Variants in HCN1 observed in about 807,000 individuals in gnomAD.
HCN1 encodes the protein potassium/sodium hyperpolarization-activated cyclic nucleotide-gated channel 1.
Under a neutral mutation model 78.9 loss-of-function variants are expected in HCN1, and 13 were observed. The ratio of observed to expected loss-of-function variants is 0.16; its 90% CI spans 0.11 to 0.26. The LOEUF (loss-of-function observed/expected upper bound fraction) is 0.26, where lower values mean the gene tolerates loss of function less well. Among genes scored for constraint, HCN1 ranks in the 10% least tolerant of loss-of-function variants. HCN1 has a pLI of 1.00. For synonymous variants in HCN1, 552 were observed against 455.5 expected, an observed-to-expected ratio of 1.21 and a Z score of -2.70; for missense variants, 810 against 1,154.3, an observed-to-expected ratio of 0.70 and a Z score of 4.32.
intron 3 of HCN1, among the ~76,000 whole-genome samples, chr5:45,423,893 A>C (rs112457064): frequency 2.6e-3 from 400 of 152,266 alleles, no homozygotes; most frequent in Non-Finnish European, 4.6e-3. Context: ...GAGAGAAAGA[A>C]CTATGCTTAT....
At chr5:45,372,493 A>T (rs1747422327) in intron 4 of HCN1, among the ~76,000 whole-genome samples, 1 of 128,184 alleles carries the variant, frequency 7.8e-6, no homozygotes, top group Non-Finnish European at 1.6e-5. Context: ...ACATTTACAT[A>T]TAAAAATATA....
chr5:45,599,989 G>C (rs977215587), intron 2 of HCN1, among the ~76,000 whole-genome samples: 2 of 152,064 alleles, frequency 1.3e-5, no homozygotes, highest in African/African-American at 4.8e-5. Context: ...GCCTAGGCCT[G>C]TTCATAACTC....
intron 2 of HCN1, among the ~76,000 whole-genome samples, chr5:45,586,119 G>A (rs1028317758): frequency 2.5e-4 from 38 of 152,294 alleles, no homozygotes; most frequent in African/African-American, 8.7e-4. Flanking sequence ...TCTGCCCCCA[G>A]AGGTGGAGTC....
rs967446712 is a variant in HCN1, at chr5:45,316,488, C to T, written c.1378-12649G>A. Among the ~76,000 whole-genome samples, 6 of 152,124 alleles carry T rather than the reference C, an allele frequency of 3.9e-5. 1 individual carries two copies. Among genetic ancestry groups the T allele is most frequent in the Admixed American group, 2.0e-4 (3 of 15,258 alleles). ...AATGGGCAAAAACTGGAAGCATTCC[C>T]TTTGAAAACTGGCACAAGACAGGGA... On this transcript the variant is annotated intron_variant, in intron 5 of 7. Transcript: ENST00000303230.
intron 2 of HCN1, among the ~76,000 whole-genome samples, chr5:45,540,419 C>A (rs1174818101): frequency 6.6e-6 from 1 of 151,824 alleles, no homozygotes; most frequent in Non-Finnish European, 1.5e-5. Flanking sequence ...CCTCAACCTC[C>A]CCAGGCTCAG....
chr5:45,483,419 ATCT>A (rs2111680416), intron 2 of HCN1, among the ~76,000 whole-genome samples: 1 of 152,182 alleles, frequency 6.6e-6, no homozygotes, highest in South Asian at 2.1e-4. Flanking sequence ...CGACTTGTAC[ATCT>A]TCTTTTGAGA....
Position 45,497,413 on chromosome 5 carries a change from T to C in HCN1, c.850-35406A>G, listed in dbSNP as rs895608137. 3.3e-5 allele frequency among the ~76,000 whole-genome samples: 5 copies of C among 152,242 alleles called. No homozygotes were observed. The East Asian group carries it at 9.6e-4, about 29-fold the overall frequency. ...GTATTGGGCGCATATATATTTAGCATAGTTAGCTCTTCTTGTTGAATTGAT... is the reference window on the plus strand; with the variant it reads ...GTATTGGGCGCATATATATTTAGCACAGTTAGCTCTTCTTGTTGAATTGAT... On this transcript the variant is annotated intron_variant, in intron 2 of 7. Transcript: ENST00000303230.
At chr5:45,342,282 G>T (rs1172821055) in intron 5 of HCN1, among the ~76,000 whole-genome samples, 3 of 147,812 alleles carry the variant, frequency 2.0e-5, no homozygotes, top group Non-Finnish European at 4.5e-5. Flanking sequence ...CACTGAGGCA[G>T]CAGTGCAGTG....
intron 2 of HCN1, chr5:45,480,122 T>C (rs1369046058): frequency 6.6e-6 from 1 of 152,624 alleles, no homozygotes; most frequent in Non-Finnish European, 1.5e-5. Flanking sequence ...TACTCAAATA[T>C]ACCTACCCAT....
At position 45,670,568 on chromosome 5, in the gene HCN1, A is replaced by G. The variant is rs79763365; in HGVS notation, c.426-24960T>C. Among the ~76,000 whole-genome samples, 26 of 151,724 alleles carry G rather than the reference A, an allele frequency of 1.7e-4. No individual in the cohort carries two copies. The East Asian group carries it at 4.9e-3, about 28-fold the overall frequency. On this transcript the variant is annotated intron_variant, in intron 1 of 7. Coordinates refer to ENST00000303230, the MANE Select transcript of HCN1 (RefSeq NM_021072.4). ...GGACCATGCATTTTTTAACAGGAAT[A>G]ATTTCTTAAATTGTCATGCCCCTAC...
intron 3 of HCN1, among the ~76,000 whole-genome samples, chr5:45,445,182 G>A (rs1336808801): frequency 1.3e-5 from 2 of 152,130 alleles, no homozygotes; most frequent in African/African-American, 2.4e-5. Context: ...ACTCCCACCC[G>A]AATACTGCAC....
At chr5:45,636,755 C>T (rs1209121446) in intron 2 of HCN1, among the ~76,000 whole-genome samples, 1 of 151,892 alleles carries the variant, frequency 6.6e-6, no homozygotes, top group Non-Finnish European at 1.5e-5. Context: ...TGGGAAGATC[C>T]CTTGAGCTTA....
chr5:45,620,654 T>C (rs1745041702), intron 2 of HCN1, among the ~76,000 whole-genome samples: 2 of 151,126 alleles, frequency 1.3e-5, no homozygotes, highest in South Asian at 4.2e-4. Flanking sequence ...GGAACATAAA[T>C]ACAAAAAATG....
chr5:45,534,198 C>T (rs548135264), intron 2 of HCN1, among the ~76,000 whole-genome samples: 3 of 151,320 alleles, frequency 2.0e-5, no homozygotes, highest in African/African-American at 7.3e-5. Context: ...GAGTTTGAGA[C>T]CAGCCTAGCC....
chr5:45,666,131 A>T (rs577375447), intron 1 of HCN1, among the ~76,000 whole-genome samples: 1 of 152,206 alleles, frequency 6.6e-6, no homozygotes, highest in Admixed American at 6.5e-5. Context: ...GTAGCCTATG[A>T]ATCTTAGAAT....
intron 5 of HCN1, among the ~76,000 whole-genome samples, chr5:45,345,668 T>C (rs755109255): frequency 1.3e-5 from 2 of 152,210 alleles, no homozygotes; most frequent in African/African-American, 2.4e-5. Context: ...CATCTCCATC[T>C]GAGACCATCT....
chr5:45,423,153 C>T (rs1433544645), intron 3 of HCN1, among the ~76,000 whole-genome samples: 1 of 151,932 alleles, frequency 6.6e-6, no homozygotes, highest in Non-Finnish European at 1.5e-5. Context: ...TTCACATGTA[C>T]CCCATAAATA....
At chr5:45,524,672 G>T (rs1342459305) in intron 2 of HCN1, among the ~76,000 whole-genome samples, 1 of 152,054 alleles carries the variant, frequency 6.6e-6, no homozygotes, top group Non-Finnish European at 1.5e-5. Context: ...TGTTATTGGT[G>T]TATAAGAATG....
chr5:45,340,852 T>C (rs1471612646), intron 5 of HCN1, among the ~76,000 whole-genome samples: 3 of 152,190 alleles, frequency 2.0e-5, no homozygotes, highest in Admixed American at 2.0e-4. Flanking sequence ...CAGAGCGATA[T>C]GAATTATAAA....
Sources: allele counts gnomAD v4.1 joint callset (sites outside exome capture counted in the v4.1 genomes callset), GRCh38; gene constraint gnomAD v4.1.1; transcripts MANE v1.5; gene names NCBI Gene and HGNC (gene_info 2026-07-23, HGNC 2026-07-21).